The following VWCE variants were observed in gnomAD, a reference collection of about 807,000 sequenced individuals.
The protein encoded by VWCE is von Willebrand factor C and EGF domains.
In VWCE, 68 loss-of-function variants were observed where a neutral mutation model predicts 102.9. That is an observed-to-expected ratio of 0.66 (90% confidence interval 0.54 to 0.81). VWCE has a LOEUF of 0.81. Among genes scored for constraint, VWCE ranks in the 30% least tolerant of loss-of-function variants. The pLI is 0.00. For missense variants in VWCE, 1,137 were observed against 1,263.6 expected (o/e 0.90, Z 1.52); for synonymous variants, 497 against 515.4 (o/e 0.96, Z 0.48).
In VWCE at chr11:61,274,630, G is replaced by A. The variant is rs1854848273; in HGVS notation, c.1496-46C>T. The A allele has an allele frequency of 3.1e-6, 5 of 1,591,512 alleles. No individual in the cohort carries two copies. In the African/African-American group the frequency reaches 5.4e-5, roughly 17 times the overall value. On this transcript the variant is annotated intron_variant, in intron 11 of 19. Transcript: ENST00000335613. The stretch of plus-strand genomic sequence containing the variant: ...AGCAACTCAAGGTCTTTGGGCAGAG[G>A]CAGCTAAAGAAAGGGGGGAACAAAT...
rs779128420 is a variant in VWCE at position 61,259,021 on chromosome 11, G to T, written c.2522C>A (p.Ser841Tyr). 1.9e-6 allele frequency: 3 copies of T among 1,613,884 alleles called. No individual in the cohort carries two copies. The highest frequency in any genetic ancestry group is 2.5e-6 in the Non-Finnish European group (3 of 1,179,856). The change falls in exon 20 of 20, where the codon TCC becomes TAC. Residue 841 changes from serine to tyrosine, a missense_variant. By Grantham distance (144) the Ser-to-Tyr change is moderately radical. Coordinates refer to ENST00000335613, the MANE Select transcript of VWCE (RefSeq NM_152718.2). ...CGAAGGCCCTGGTGAGAGTCGAGGG[G>T]AGGCCCCAGGCTCCCCTGGGAAAGT... ...TATFPGEPGASPRLSPGPSTP... is the reference protein window; with the variant it reads ...TATFPGEPGAYPRLSPGPSTP...
chr11:61,284,718 C>T (rs147370436), intron 5 of VWCE, among the ~76,000 whole-genome samples: 9 of 152,008 alleles, frequency 5.9e-5, no homozygotes, highest in Admixed American at 2.6e-4. Flanking sequence ...GAGGCCAAGG[C>T]GGGCAGATCA....
chr11:61,290,949 T>C, intron 3 of VWCE, 22 bp from the exon 4 acceptor site: 2 of 1,608,114 alleles, frequency 1.2e-6, no homozygotes, highest in Non-Finnish European at 1.7e-6. Context: ...ATCACACCAG[T>C]GAGCATGCAC....
At chr11:61,268,352 G>C (rs574418111) in intron 15 of VWCE, among the ~76,000 whole-genome samples, 1 of 152,046 alleles carries the variant, frequency 6.6e-6, no homozygotes, top group African/African-American at 2.4e-5. Context: ...TTAGGAGATC[G>C]AGACCAGCCT....
At position 61,278,252 on chromosome 11, in the gene VWCE, C is replaced by T. The variant is rs1854990661; in HGVS notation, c.1407+142G>A. On this transcript the variant is annotated intron_variant, in intron 10 of 19. Coordinates refer to ENST00000335613, the MANE Select transcript of VWCE (RefSeq NM_152718.2). ...TCCCTCCCCCTTTTAAATTCTACAG[C>T]TTCTAACCAAATTCCACAACCTGAG... The T allele has an allele frequency of 5.5e-6, 5 of 910,970 alleles. 1 individual carries two copies. In the East Asian group the frequency reaches 1.3e-4, roughly 23 times the overall value. The allele number at this position is 910,970 out of a possible 1,614,324, so 56.4% of individuals were successfully genotyped here.
At position 61,276,600 on chromosome 11, in the gene VWCE, A is replaced by G; in HGVS notation, c.1488T>C (p.Cys496=). 6.3e-7 allele frequency: 1 copy of G among 1,585,334 alleles called. No individual in the cohort carries two copies. Among genetic ancestry groups the G allele is most frequent in the African/African-American group, 1.4e-5 (1 of 72,724 alleles). The part of the protein sequence containing the change: ...QTPPQTDCCT[C]VPVRCYFHGR... ...TCCAAGAGTGTCACTTACCTGGAAC[A>G]CAAGTACAGCAATCCGTCTGTGGGG... The change falls in exon 11 of 20, where the codon TGT becomes TGC. Residue 496 remains cysteine (C), a synonymous_variant. Transcript: ENST00000335613.
Position 61,274,711 on chromosome 11 carries a change from C to G in VWCE, c.1496-127G>C, listed in dbSNP as rs1038167899. 5 of 680,388 alleles carry G rather than the reference C, an allele frequency of 7.3e-6. No homozygotes were observed. In the African/African-American group the frequency reaches 9.2e-5, roughly 13 times the overall value. The allele number at this position is 680,388 out of a possible 1,614,324, so 42.1% of individuals were successfully genotyped here. On this transcript the variant is annotated intron_variant, in intron 11 of 19. Coordinates refer to ENST00000335613, the MANE Select transcript of VWCE (RefSeq NM_152718.2). ...ACCCACAACACTCCACAGCATGCTC[C>G]GTGCCCAGGAACCCAAAGCACTTCT...
chr11:61,292,914 C>G (rs762488617), intron 1 of VWCE, among the ~76,000 whole-genome samples: 2 of 151,830 alleles, frequency 1.3e-5, no homozygotes, highest in South Asian at 2.1e-4. Flanking sequence ...TTGAGACCAG[C>G]CTGGCCAACA....
chr11:61,289,703 C>A (rs906435360), intron 4 of VWCE, among the ~76,000 whole-genome samples: 1 of 152,292 alleles, frequency 6.6e-6, no homozygotes, highest in Non-Finnish European at 1.5e-5. Context: ...CACATACACA[C>A]ACTCACAAAC....
intron 5 of VWCE, among the ~76,000 whole-genome samples, chr11:61,285,551 G>A (rs774670630): frequency 2.0e-5 from 3 of 152,092 alleles, no homozygotes; most frequent in Admixed American, 2.0e-4. Flanking sequence ...CAGCAGTGGG[G>A]CAGGTGAAAC....
At position 61,273,081 on chromosome 11, in the gene VWCE, G is replaced by C. The variant is rs1314458297; in HGVS notation, c.1699+118C>G. On this transcript the variant is annotated intron_variant, in intron 13 of 19. Coordinates refer to ENST00000335613, the MANE Select transcript of VWCE (RefSeq NM_152718.2). ...TCACACTCATACACACGCACACAAA[G>C]ACACATGTACACACACACACAAACA... 5 of 998,128 alleles carry C rather than the reference G, an allele frequency of 5.0e-6. No individual in the cohort carries two copies. In the Admixed American group the frequency reaches 9.3e-5, roughly 19 times the overall value. 61.8% of individuals were successfully genotyped at this position (998,128 alleles called of 1,614,324 possible).
In VWCE at chr11:61,294,401, G is replaced by A. The variant is rs938157057; in HGVS notation, c.110+527C>T. Among the ~76,000 whole-genome samples the A allele has an allele frequency of 1.3e-5, 2 of 152,202 alleles. No homozygotes were observed. The highest frequency in any genetic ancestry group is 2.9e-5 in the Non-Finnish European group (2 of 68,036). On this transcript the variant is annotated intron_variant, in intron 1 of 19. Transcript: ENST00000335613. This position sits in a 1 kb window ranked among gnomAD's most constrained non-coding sequence, Gnocchi z 6.3. ...ACGTGCGGAGGGCGGCATCCATCGC[G>A]AAAGACAGCGGAGGGGCATGCACCC...
At chr11:61,270,946 C>G (rs982621289) in intron 14 of VWCE, among the ~76,000 whole-genome samples, 47 of 151,540 alleles carry the variant, frequency 3.1e-4, no homozygotes, top group African/African-American at 1.1e-3. Flanking sequence ...GCTGAGGAAG[C>G]GATCCTCCCA....
chr11:61,281,245 A>T lies in VWCE; in HGVS notation c.788-10T>A, dbSNP rs777072859. 6.2e-7 allele frequency: 1 copy of T among 1,611,794 alleles called. No individual in the cohort carries two copies. Among genetic ancestry groups the T allele is most frequent in the South Asian group, 1.1e-5 (1 of 90,992 alleles). Reference sequence around the variant, plus strand: ...ACGGCTTTCGGGAAAGCTGAAACAGAAGCACGGAGGTCTCTTGGGGTGGAC... The same window carrying T: ...ACGGCTTTCGGGAAAGCTGAAACAGTAGCACGGAGGTCTCTTGGGGTGGAC... On this transcript the variant is annotated splice_polypyrimidine_tract_variant and intron_variant, in intron 7 of 19. Transcript: ENST00000335613.
intron 1 of VWCE, among the ~76,000 whole-genome samples, chr11:61,293,097 C>G (rs1363124154): frequency 1.3e-5 from 2 of 151,892 alleles, no homozygotes; most frequent in Admixed American, 6.6e-5. Context: ...CAAAATTAGC[C>G]GGGCATGGTG....
intron 11 of VWCE, among the ~76,000 whole-genome samples, chr11:61,276,083 CA>C (rs1208424443): frequency 6.6e-6 from 1 of 152,202 alleles, no homozygotes; most frequent in East Asian, 1.9e-4. Context: ...ATCGCATACT[CA>C]AAAGACATGC....
At chr11:61,291,190 A>G in intron 3 of VWCE, 74 bp downstream of exon 3, 8 of 1,395,762 alleles carry the variant, frequency 5.7e-6, no homozygotes, top group African/African-American at 1.4e-5. Flanking sequence ...ACACATCTCA[A>G]GTGCCCACTG....
rs1014112921 is a variant in VWCE, at chr11:61,295,203, G to A, written c.-166C>T. On this transcript the variant is annotated 5_prime_UTR_variant, in exon 1 of 20. Transcript: ENST00000335613. The surrounding 1 kb of genome is among the most constrained non-coding windows in gnomAD (Gnocchi z 4.6). Reference sequence around the variant, plus strand: ...GGGGGCTTGGGACGCCGAGAGGAGGGGCCGAGGGCCGCGAGGGGACGCGGC... The same window carrying A: ...GGGGGCTTGGGACGCCGAGAGGAGGAGCCGAGGGCCGCGAGGGGACGCGGC... 2.5e-6 allele frequency: 1 copy of A among 403,914 alleles called. No individual in the cohort carries two copies. Among genetic ancestry groups the A allele is most frequent in the Non-Finnish European group, 4.3e-6 (1 of 234,628 alleles). The allele number at this position is 403,914 out of a possible 1,614,324, so 25.0% of individuals were successfully genotyped here. A position where few individuals can be genotyped will look rare whatever the true frequency, so the allele number is the denominator to read the frequency against.
intron 14 of VWCE, among the ~76,000 whole-genome samples, chr11:61,269,878 C>G (rs998244195): frequency 1.3e-5 from 2 of 151,956 alleles, no homozygotes; most frequent in Non-Finnish European, 2.9e-5. Flanking sequence ...GGACTTTCCT[C>G]CCAACTCTAA....
Sources: allele counts gnomAD v4.1 joint callset (sites outside exome capture counted in the v4.1 genomes callset), GRCh38; gene constraint gnomAD v4.1.1; non-coding constraint Gnocchi (gnomAD v3.1); transcripts MANE v1.5; gene names NCBI Gene and HGNC (gene_info 2026-07-23, HGNC 2026-07-21).